Variants in UGT3A1 observed in about 807,000 individuals in gnomAD.
UGT3A1 encodes the protein UDP-glycosyltransferase 3A1.
A neutral mutation model predicts 37.6 loss-of-function variants in UGT3A1; 40 were observed. The ratio of observed to expected loss-of-function variants is 1.06; its 90% CI spans 0.83 to 1.38. The LOEUF is 1.38. UGT3A1 is among the 40% of genes most tolerant of loss of function. UGT3A1 has a pLI of 0.00. For missense variants in UGT3A1, 642 were observed against 634.2 expected (o/e 1.01, Z -0.13); for synonymous variants, 256 against 232.3 (o/e 1.10, Z -0.93).
At chr5:35,963,105 G>C (rs1362286449) in intron 4 of UGT3A1, among the ~76,000 whole-genome samples, 2 of 152,196 alleles carry the variant, frequency 1.3e-5, no homozygotes, top group Non-Finnish European at 2.9e-5. Context: ...AGGTGCCACT[G>C]TGGTCTGCAC....
At chr5:35,955,558 A>G (rs998049236) in intron 6 of UGT3A1, 87 bp downstream of exon 6, 2 of 1,455,132 alleles carry the variant, frequency 1.4e-6, no homozygotes, top group African/African-American at 2.8e-5. Flanking sequence ...AGTTTCAGCT[A>G]TTATTGTGAA....
chr5:35,992,093 C>T (rs546537586), upstream of UGT3A1, among the ~76,000 whole-genome samples: 9 of 152,270 alleles, frequency 5.9e-5, no homozygotes, highest in Admixed American at 3.3e-4. Context: ...CCAAGACTTT[C>T]GGAAAGGCTT....
intron 2 of UGT3A1, among the ~76,000 whole-genome samples, chr5:35,971,097 C>A (rs1740016588): frequency 6.6e-6 from 1 of 152,126 alleles, no homozygotes; most frequent in African/African-American, 2.4e-5. Context: ...CTGTGGGGAA[C>A]CTCAATATCC....
intron 4 of UGT3A1, among the ~76,000 whole-genome samples, chr5:35,959,777 G>A (rs1178303804): frequency 6.6e-6 from 1 of 151,944 alleles, no homozygotes; most frequent in African/African-American, 2.4e-5. Flanking sequence ...TTCTATATAT[G>A]TAAAACTTTA....
At chr5:35,970,769 C>A (rs1412757045) in intron 2 of UGT3A1, among the ~76,000 whole-genome samples, 3 of 152,132 alleles carry the variant, frequency 2.0e-5, no homozygotes, top group Non-Finnish European at 4.4e-5. Context: ...GATTAAATTC[C>A]ATTATGAAAG....
In UGT3A1 at chr5:35,953,079, T is replaced by C. The variant is rs1266254211; in HGVS notation, c.*1123A>G. 3 of 152,384 alleles carry C rather than the reference T, an allele frequency of 2.0e-5. No homozygotes were observed. The highest frequency in any genetic ancestry group is 4.4e-5 in the Non-Finnish European group (3 of 68,040). The allele number at this position is 152,384 out of a possible 1,614,324, so 9.4% of individuals were successfully genotyped here. ...TTTTCTACTCTGTGTTTTTAACTCATCAGACACCATGCATTTGACAGTTTT... is the reference window on the plus strand; with the variant it reads ...TTTTCTACTCTGTGTTTTTAACTCACCAGACACCATGCATTTGACAGTTTT... On this transcript the variant is annotated 3_prime_UTR_variant, in exon 7 of 7. Transcript: ENST00000274278.
At position 35,952,255 on chromosome 5, in the gene UGT3A1, G is replaced by C. The variant is rs1424593884; in HGVS notation, c.*1947C>G. On this transcript the variant is annotated 3_prime_UTR_variant, in exon 7 of 7. Transcript: ENST00000274278. ...AAACAGCAAAATGTGTTCTGAGGGGGTGTAGCGAACATTTGGAAAAGAGTG... is the reference window on the plus strand; with the variant it reads ...AAACAGCAAAATGTGTTCTGAGGGGCTGTAGCGAACATTTGGAAAAGAGTG... 6.6e-6 allele frequency: 1 copy of C among 152,260 alleles called. No individual in the cohort carries two copies. The highest frequency in any genetic ancestry group is 2.4e-5 in the African/African-American group (1 of 41,452). 9.4% of individuals were successfully genotyped at this position (152,260 alleles called of 1,614,324 possible).
Position 35,981,261 on chromosome 5 carries a change from A to G in UGT3A1, c.196+7189T>C, listed in dbSNP as rs372602769. Among the ~76,000 whole-genome samples, 13 of 152,268 alleles carry G rather than the reference A, an allele frequency of 8.5e-5. 1 individual carries two copies. The highest frequency in any genetic ancestry group is 3.9e-4 in the East Asian group (2 of 5,190). The stretch of plus-strand genomic sequence containing the variant: ...TGCAATTACAGAAAACCAAAAATAA[A>G]TATACAATGCTGAGATTATCACCAG... On this transcript the variant is annotated intron_variant, in intron 2 of 6. Coordinates refer to ENST00000274278, the MANE Select transcript of UGT3A1 (RefSeq NM_152404.4).
chr5:35,970,688 T>A (rs1328284384), intron 2 of UGT3A1, among the ~76,000 whole-genome samples: 1 of 152,188 alleles, frequency 6.6e-6, no homozygotes, highest in Non-Finnish European at 1.5e-5. Flanking sequence ...CAAAAAGGGA[T>A]GCTGTGGATC....
At chr5:35,970,805 C>T (rs1373349909) in intron 2 of UGT3A1, among the ~76,000 whole-genome samples, 1 of 152,142 alleles carries the variant, frequency 6.6e-6, no homozygotes, top group Admixed American at 6.6e-5. Flanking sequence ...GGTTAATTGT[C>T]TCCATTCTTT....
intron 2 of UGT3A1, among the ~76,000 whole-genome samples, chr5:35,971,887 T>C (rs1740055933): frequency 6.6e-6 from 1 of 152,146 alleles, no homozygotes; most frequent in South Asian, 2.1e-4. Flanking sequence ...AGCTCGACCT[T>C]GGGCACAGCA....
At chr5:35,968,660 C>A (rs1012877614) in intron 2 of UGT3A1, among the ~76,000 whole-genome samples, 2 of 152,140 alleles carry the variant, frequency 1.3e-5, no homozygotes, top group Non-Finnish European at 2.9e-5. Flanking sequence ...AGCCCCACCC[C>A]TCCCCCATCA....
chr5:35,969,671 A>G (rs750110651), intron 2 of UGT3A1, among the ~76,000 whole-genome samples: 7 of 152,146 alleles, frequency 4.6e-5, no homozygotes, highest in Non-Finnish European at 8.8e-5. Flanking sequence ...CTGATTGGCT[A>G]TTTTCTCTCT....
At chr5:35,986,030 G>A (rs534329780) in intron 2 of UGT3A1, among the ~76,000 whole-genome samples, 38 of 151,782 alleles carry the variant, frequency 2.5e-4, no homozygotes, top group Non-Finnish European at 5.0e-4. Flanking sequence ...GTTAAAAATG[G>A]GAAAAAGATC....
At chr5:35,954,525 G>A in intron 6 of UGT3A1, 47 bp from the exon 7 acceptor site, 1 of 1,595,838 alleles carries the variant, frequency 6.3e-7, no homozygotes. Context: ...AGCCTCACAA[G>A]TCTTACAGAC....
chr5:35,959,694 T>G (rs1739500665), intron 4 of UGT3A1, among the ~76,000 whole-genome samples: 1 of 152,008 alleles, frequency 6.6e-6, no homozygotes, highest in Non-Finnish European at 1.5e-5. Context: ...ATCATGTGGA[T>G]CAATATGTGC....
chr5:35,989,941 G>C (rs1305291658), intron 1 of UGT3A1, among the ~76,000 whole-genome samples: 1 of 152,074 alleles, frequency 6.6e-6, no homozygotes, highest in Admixed American at 6.5e-5. Flanking sequence ...AAAAGAATTA[G>C]CTGGGCGTGG....
chr5:35,983,469 A>G (rs1740609994), intron 2 of UGT3A1, among the ~76,000 whole-genome samples: 1 of 152,160 alleles, frequency 6.6e-6, no homozygotes, highest in Non-Finnish European at 1.5e-5. Context: ...TCTATCAAAC[A>G]TCCAAATAAC....
intron 1 of UGT3A1, among the ~76,000 whole-genome samples, chr5:36,000,086 C>T (rs1166403014): frequency 6.6e-6 from 1 of 152,132 alleles, no homozygotes; most frequent in African/African-American, 2.4e-5. Context: ...GGTGGAGAGG[C>T]CCAATGGAAT....
Sources: allele counts gnomAD v4.1 joint callset (sites outside exome capture counted in the v4.1 genomes callset), GRCh38; gene constraint gnomAD v4.1.1; transcripts MANE v1.5; gene names NCBI Gene and HGNC (gene_info 2026-07-23, HGNC 2026-07-21).